PLD2: variants seen among roughly 807,000 people sequenced by gnomAD.
PLD2 encodes phospholipase D2, also known as choline phosphatase 2.
Under a neutral mutation model 119.8 loss-of-function variants are expected in PLD2, and 101 were observed. The observed-to-expected ratio is 0.84, with a 90% CI of 0.72 to 0.99. The LOEUF is 0.99. Ranked by LOEUF, PLD2 falls within the 50% of genes least tolerant of loss-of-function variation. The pLI is 0.00. For synonymous variants in PLD2, 494 were observed against 482.8 expected, an observed-to-expected ratio of 1.02 and a Z score of -0.30; for missense variants, 1,164 against 1,226.8, an observed-to-expected ratio of 0.95 and a Z score of 0.76.
chr17:4,815,054 G>A (rs536018151), intron 12 of PLD2, among the ~76,000 whole-genome samples: 2 of 152,288 alleles, frequency 1.3e-5, no homozygotes, highest in Admixed American at 6.5e-5. Flanking sequence ...GAGGGGGCAT[G>A]TGTGGTGTTG....
chr17:4,822,579 G>A (rs1907790086), intron 24 of PLD2, 61 bp from the exon 25 acceptor site: 3 of 1,192,288 alleles, frequency 2.5e-6, no homozygotes, highest in African/African-American at 1.5e-5. Context: ...TAGCCTAGTT[G>A]GACTTAGATT....
At chr17:4,809,629 A>G in intron 7 of PLD2, 62 bp from the exon 8 acceptor site, 4 of 1,608,810 alleles carry the variant, frequency 2.5e-6, no homozygotes, top group Non-Finnish European at 2.6e-6. Flanking sequence ...TGGGGCAAGC[A>G]GTGCAGGGTG....
chr17:4,809,630 G>A, intron 7 of PLD2, 61 bp from the exon 8 acceptor site: 3 of 1,610,636 alleles, frequency 1.9e-6, no homozygotes, highest in Non-Finnish European at 2.5e-6. Context: ...GGGGCAAGCA[G>A]TGCAGGGTGG....
In PLD2 at chr17:4,807,755, C is replaced by A; in HGVS notation, c.-1-17C>A. 2.0e-6 allele frequency: 3 copies of A among 1,472,626 alleles called. No individual in the cohort carries two copies. The highest frequency in any genetic ancestry group is 1.1e-5 in the South Asian group (1 of 88,194). 91.2% of individuals were successfully genotyped at this position (1,472,626 alleles called of 1,614,324 possible). On this transcript the variant is annotated splice_polypyrimidine_tract_variant and intron_variant, in intron 1 of 24. Transcript: ENST00000263088. The surrounding 1 kb of genome is among the most constrained non-coding windows in gnomAD (Gnocchi z 5.4). ...TGCAGGACAGCTCGCCTCCCTGAGG[C>A]TTCCCAATGTTCCTAGGATGACGGC... is the stretch of plus-strand genomic sequence containing the variant.
chr17:4,821,781 T>A lies in PLD2; in HGVS notation c.2463-12T>A. 6.3e-7 allele frequency: 1 copy of A among 1,594,524 alleles called. No homozygotes were observed. The highest frequency in any genetic ancestry group is 8.6e-7 in the Non-Finnish European group (1 of 1,162,300). ...CTTAATCTGGCCCTGCTGGGACCCC[T>A]TTCTCCTATAGTGTGATTCTTGGAG... On this transcript the variant is annotated splice_polypyrimidine_tract_variant and intron_variant, in intron 23 of 24. Transcript: ENST00000263088.
At chr17:4,814,966 C>A (rs1193630720) in intron 12 of PLD2, among the ~76,000 whole-genome samples, 1 of 152,092 alleles carries the variant, frequency 6.6e-6, no homozygotes, top group Non-Finnish European at 1.5e-5. Context: ...ATTGTGTTAT[C>A]TGGGGGTATA....
chr17:4,815,581 A>C lies in PLD2; in HGVS notation c.1279A>C (p.Ile427Leu), dbSNP rs143222056. The part of the protein sequence containing the change: ...KRALMLLHPN[I>L]KVMRHPDQVT... ...GGCGCTGATGCTGCTGCACCCCAAC[A>C]TAAAGGTGACTCTCGGCCTCAGAGA... The change falls in exon 13 of 25, where the codon ATA becomes CTA. Residue 427 changes from isoleucine (I) to leucine (L), a missense_variant. Ile to Leu is a conservative substitution (Grantham distance 5). Coordinates refer to ENST00000263088, the MANE Select transcript of PLD2 (RefSeq NM_002663.5). 1 of 1,611,496 alleles carries C rather than the reference A, an allele frequency of 6.2e-7. No homozygotes were observed. The highest frequency in any genetic ancestry group is 8.5e-7 in the Non-Finnish European group (1 of 1,177,904).
At chr17:4,816,262 C>A (rs1156737060) in intron 14 of PLD2, among the ~76,000 whole-genome samples, 1 of 151,814 alleles carries the variant, frequency 6.6e-6, no homozygotes, top group African/African-American at 2.4e-5. Flanking sequence ...AGTTGCCTGT[C>A]ATTGAAGCTA....
intron 10 of PLD2, among the ~76,000 whole-genome samples, chr17:4,812,295 G>GT (rs560349965): frequency 0.33 from 38,975 of 118,572 alleles, 7,286 homozygotes; most frequent in East Asian, 0.77. Flanking sequence ...TTTTGTTTTG[G>GT]TTTTTTTTTT....
intron 18 of PLD2, 72 bp downstream of exon 18, chr17:4,818,178 G>C: frequency 1.4e-6 from 2 of 1,402,318 alleles, no homozygotes; most frequent in Non-Finnish European, 2.0e-6. Context: ...AATGAGTGGA[G>C]TCAGTCATTG....
intron 21 of PLD2, 32 bp downstream of exon 21, chr17:4,818,855 G>T: frequency 1.2e-6 from 2 of 1,607,354 alleles, no homozygotes; most frequent in Non-Finnish European, 1.7e-6. Flanking sequence ...CTCAAGCCCT[G>T]GGCCCCTGGG....
chr17:4,811,465 CG>C (rs34361510), intron 10 of PLD2, among the ~76,000 whole-genome samples: 151,566 of 152,002 alleles, frequency 1, 75,569 homozygotes, highest in Middle Eastern at 1. Flanking sequence ...TTAGTAGAGA[CG>C]GGGGTTTCAC....
chr17:4,823,008 A>G lies in PLD2; in HGVS notation c.*144A>G. On this transcript the variant is annotated 3_prime_UTR_variant, in exon 25 of 25. Coordinates refer to ENST00000263088, the MANE Select transcript of PLD2 (RefSeq NM_002663.5). ...CTGAAGGGAACTAGAGGTGTTACAG[A>G]GGACCCTTACGTGAGAAATAGCTGA... 1.7e-6 allele frequency: 1 copy of G among 598,780 alleles called. No individual in the cohort carries two copies. The highest frequency in any genetic ancestry group is 3.0e-6 in the Non-Finnish European group (1 of 336,360). 37.1% of individuals were successfully genotyped at this position (598,780 alleles called of 1,614,324 possible).
rs1316235960 is a variant in PLD2 at position 4,808,952 on chromosome 17, C to G, written c.384-148C>G. Reference sequence around the variant, plus strand: ...CAAGTGATCCACCTGCTGCGGCCTCCCCAAGTGCTGGGATTCCAGGCGTGA... The same window carrying G: ...CAAGTGATCCACCTGCTGCGGCCTCGCCAAGTGCTGGGATTCCAGGCGTGA... On this transcript the variant is annotated intron_variant, in intron 4 of 24. Coordinates refer to ENST00000263088, the MANE Select transcript of PLD2 (RefSeq NM_002663.5). This position sits in a 1 kb window ranked among gnomAD's most constrained non-coding sequence, Gnocchi z 4.1. 3.0e-6 allele frequency: 2 copies of G among 677,316 alleles called. No individual in the cohort carries two copies. The highest frequency in any genetic ancestry group is 5.3e-6 in the Non-Finnish European group (2 of 379,790). 42.0% of individuals were successfully genotyped at this position (677,316 alleles called of 1,614,324 possible).
Position 4,822,099 on chromosome 17 carries a change from T to G in PLD2, c.2577+192T>G, listed in dbSNP as rs565097847. 2.4e-4 allele frequency among the ~76,000 whole-genome samples: 37 copies of G among 152,064 alleles called. No homozygotes were observed. In the South Asian group the frequency reaches 7.3e-3, roughly 30 times the overall value. On this transcript the variant is annotated intron_variant, in intron 24 of 24. Coordinates refer to ENST00000263088, the MANE Select transcript of PLD2 (RefSeq NM_002663.5). ...GGCTCATGCCTGTAATCCCAGCACT[T>G]TGGGAGGCCAAGGCCCGGTGGATCA...
Position 4,817,083 on chromosome 17 carries a change from A to G in PLD2, c.1701+28A>G, listed in dbSNP as rs1907057947. ...GTTCATTCCCTCCGATAGGGGCTGG[A>G]GGTAGGGAGGGAGCCAGGGCAGATT... On this transcript the variant is annotated intron_variant, in intron 16 of 24. Coordinates refer to ENST00000263088, the MANE Select transcript of PLD2 (RefSeq NM_002663.5). 8 of 1,607,030 alleles carry G rather than the reference A, an allele frequency of 5.0e-6. No individual in the cohort carries two copies. The South Asian group carries it at 6.6e-5, about 13-fold the overall frequency.
At chr17:4,815,391 G>A (rs556158198) in intron 12 of PLD2, 85 bp from the exon 13 acceptor site, 5 of 812,850 alleles carry the variant, frequency 6.2e-6, no homozygotes, top group Non-Finnish European at 1.1e-5. Flanking sequence ...CAAGCTGGAG[G>A]GACACACGTG....
rs749024767 is a variant in PLD2, at chr17:4,807,747, C to A, written c.-1-25C>A. On this transcript the variant is annotated intron_variant, in intron 1 of 24. Transcript: ENST00000263088. This position sits in a 1 kb window ranked among gnomAD's most constrained non-coding sequence, Gnocchi z 5.4. ...GCGGGTTCTGCAGGACAGCTCGCCT[C>A]CCTGAGGCTTCCCAATGTTCCTAGG... 4 of 1,383,654 alleles carry A rather than the reference C, an allele frequency of 2.9e-6. No individual in the cohort carries two copies. Among genetic ancestry groups the A allele is most frequent in the Non-Finnish European group, 4.1e-6 (4 of 982,224 alleles). 85.7% of individuals were successfully genotyped at this position (1,383,654 alleles called of 1,614,324 possible).
intron 9 of PLD2, 81 bp from the exon 10 acceptor site, chr17:4,810,721 A>C: frequency 5.6e-6 from 5 of 890,192 alleles, no homozygotes; most frequent in Non-Finnish European, 7.9e-6. Flanking sequence ...CTAAGGGAGG[A>C]AGTGGGAAAG....
Sources: allele counts gnomAD v4.1 joint callset (sites outside exome capture counted in the v4.1 genomes callset), GRCh38; gene constraint gnomAD v4.1.1; non-coding constraint Gnocchi (gnomAD v3.1); transcripts MANE v1.5; gene names NCBI Gene and HGNC (gene_info 2026-07-23, HGNC 2026-07-21).